SYT14: variants seen among roughly 807,000 people sequenced by gnomAD.
SYT14 encodes the protein synaptotagmin-14.
A neutral mutation model predicts 74.2 loss-of-function variants in SYT14; 32 were observed. The observed-to-expected ratio is 0.43, with a 90% CI of 0.33 to 0.58. The LOEUF (loss-of-function observed/expected upper bound fraction) is 0.58. Among genes scored for constraint, SYT14 ranks in the 20% least tolerant of loss-of-function variants. The probability of loss-of-function intolerance (pLI) is 0.05; values close to 1 mark genes in which losing one functional copy is unlikely to be tolerated. For missense variants in SYT14, 791 were observed against 981.8 expected, an observed-to-expected ratio of 0.81 and a Z score of 2.60; for synonymous variants, 298 against 337.7, an observed-to-expected ratio of 0.88 and a Z score of 1.29.
intron 7 of SYT14, among the ~76,000 whole-genome samples, chr1:210,149,330 G>A (rs1040679789): frequency 6.6e-6 from 1 of 151,392 alleles, no homozygotes; most frequent in African/African-American, 2.4e-5. Context: ...GATTACAGGC[G>A]CCTGCCACCA....
intron 5 of SYT14, among the ~76,000 whole-genome samples, chr1:210,036,156 T>TTGTTTGTTTTTG (rs1400850378): frequency 1.4e-4 from 21 of 152,046 alleles, no homozygotes; most frequent in African/African-American, 4.8e-4. Flanking sequence ...TGTTTTTTGT[T>TTGTTTGTTTTTG]TGTTTGTTTT....
intron 7 of SYT14, among the ~76,000 whole-genome samples, chr1:210,147,136 T>C (rs182883314): frequency 6.7e-6 from 1 of 149,596 alleles, no homozygotes; most frequent in Admixed American, 6.7e-5. Context: ...TATGCTTTAA[T>C]AGAATAAAGA....
chr1:210,040,256 A>G (rs1163228296), intron 5 of SYT14, among the ~76,000 whole-genome samples: 1 of 152,150 alleles, frequency 6.6e-6, no homozygotes, highest in Non-Finnish European at 1.5e-5. Flanking sequence ...TTCTCAGCAA[A>G]CTAACACAGG....
At chr1:210,170,539 G>C (rs1416576065) in exon 10 of SYT14, 3 of 151,974 alleles carry the variant, frequency 2.0e-5, no homozygotes, top group Non-Finnish European at 4.4e-5. Flanking sequence ...TAATTTTCCA[G>C]AGAATAAATT....
chr1:210,076,166 TACTTG>T (rs1364741140), intron 5 of SYT14, among the ~76,000 whole-genome samples: 12 of 152,198 alleles, frequency 7.9e-5, no homozygotes, highest in Non-Finnish European at 1.6e-4. Context: ...TTTATTGAGA[TACTTG>T]ACTTAATTGA....
chr1:210,128,222 A>T (rs1005723195), intron 7 of SYT14, among the ~76,000 whole-genome samples: 1 of 151,804 alleles, frequency 6.6e-6, no homozygotes, highest in East Asian at 1.9e-4. Context: ...AAAATGTTTT[A>T]AAAAATTAGT....
chr1:210,130,371 G>T (rs1345628541), intron 7 of SYT14, among the ~76,000 whole-genome samples: 5 of 151,698 alleles, frequency 3.3e-5, no homozygotes, highest in African/African-American at 7.3e-5. Flanking sequence ...AAAAAAAATG[G>T]TTTTTTTTCC....
intron 8 of SYT14, among the ~76,000 whole-genome samples, chr1:210,158,981 A>G (rs1230171715): frequency 2.6e-5 from 4 of 152,134 alleles, no homozygotes; most frequent in Non-Finnish European, 5.9e-5. Context: ...TTTGTTTTGC[A>G]TAATTAATTT....
chr1:210,139,957 G>C (rs1468212968), intron 7 of SYT14, among the ~76,000 whole-genome samples: 3 of 152,064 alleles, frequency 2.0e-5, no homozygotes, highest in Non-Finnish European at 4.4e-5. Flanking sequence ...TTGTTGTGTA[G>C]ACATATAGTT....
chr1:210,013,740 G>A lies in SYT14; in HGVS notation c.-378G>A, dbSNP rs757948488. 8 of 1,612,612 alleles carry A rather than the reference G, an allele frequency of 5.0e-6. No individual in the cohort carries two copies. Among genetic ancestry groups the A allele is most frequent in the East Asian group, 2.2e-5 (1 of 44,800 alleles). On this transcript the variant is annotated 5_prime_UTR_variant, in exon 3 of 10. Transcript: ENST00000637265. ...GAAGTTCTGTTTTGAAAATGTTGGC[G>A]GGTTTCCAGATCTTGGTTCAGAATA...
intron 2 of SYT14, among the ~76,000 whole-genome samples, chr1:209,973,537 G>T (rs901322546): frequency 6.6e-6 from 1 of 152,146 alleles, no homozygotes; most frequent in Non-Finnish European, 1.5e-5. Flanking sequence ...CAAAGGACAT[G>T]AACTCATCAT....
rs1553264180 is a variant in SYT14, at chr1:210,000,466, G to GCGCACACA, written c.-485-13166_-485-13165insGCACACAC. On this transcript the variant is annotated intron_variant, in intron 2 of 9. Coordinates refer to ENST00000637265, the Ensembl canonical transcript of SYT14. ...TTATTTTAGTCCTTTGTCCTCATAC[G>GCGCACACA]CACACACACACACACACACACACAC... Among the ~76,000 whole-genome samples, 679 of 143,196 alleles carry GCGCACACA rather than the reference G, an allele frequency of 4.7e-3. 6 individuals carry two copies. The highest frequency in any genetic ancestry group is 0.01 in the African/African-American group (380 of 37,858). The allele number at this position is 143,196 out of a possible 152,430, so 93.9% of individuals were successfully genotyped here.
intron 7 of SYT14, among the ~76,000 whole-genome samples, chr1:210,151,640 A>C (rs1347144131): frequency 6.6e-6 from 1 of 151,860 alleles, no homozygotes; most frequent in African/African-American, 2.4e-5. Context: ...CACTAATGCC[A>C]GTGGAAGGGA....
intron 7 of SYT14, among the ~76,000 whole-genome samples, chr1:210,128,721 C>G (rs1045989828): frequency 6.6e-6 from 1 of 152,108 alleles, no homozygotes; most frequent in Non-Finnish European, 1.5e-5. Context: ...GTGTCTATTT[C>G]GGGGACTCAA....
chr1:210,121,718 C>T (rs1189834803), intron 7 of SYT14, among the ~76,000 whole-genome samples: 1 of 151,132 alleles, frequency 6.6e-6, no homozygotes, highest in Non-Finnish European at 1.5e-5. Context: ...GGCGTGAACC[C>T]AGGAGGCAGA....
At chr1:209,960,440 A>G (rs1177353197) in intron 2 of SYT14, among the ~76,000 whole-genome samples, 1 of 152,224 alleles carries the variant, frequency 6.6e-6, no homozygotes, top group East Asian at 1.9e-4. Context: ...GGGAAGATGT[A>G]TAGAATGTTT....
chr1:210,011,050 C>T (rs2080077995), intron 2 of SYT14, among the ~76,000 whole-genome samples: 1 of 152,018 alleles, frequency 6.6e-6, no homozygotes, highest in Non-Finnish European at 1.5e-5. Context: ...TTTAGTTTTC[C>T]AAGACATGGG....
chr1:210,071,560 C>A (rs1486475709), intron 5 of SYT14, among the ~76,000 whole-genome samples: 2 of 152,044 alleles, frequency 1.3e-5, no homozygotes, highest in East Asian at 3.9e-4. Context: ...CTGCTTCATA[C>A]ATATTTATGC....
At chr1:210,159,375 C>T in intron 8 of SYT14, 46 bp from the exon 8 acceptor site, 1 of 1,526,874 alleles carries the variant, frequency 6.5e-7, no homozygotes, top group Non-Finnish European at 8.9e-7. Flanking sequence ...CAACGATTGA[C>T]ATCTGGTCAT....
Sources: allele counts gnomAD v4.1 joint callset (sites outside exome capture counted in the v4.1 genomes callset), GRCh38; gene constraint gnomAD v4.1.1; transcripts MANE v1.5; gene names NCBI Gene and HGNC (gene_info 2026-07-23, HGNC 2026-07-21).